Variants in NUDT7 observed in about 807,000 individuals in gnomAD.
The protein encoded by NUDT7 is nudix hydrolase 7.
In NUDT7, 19 loss-of-function variants were observed where a neutral mutation model predicts 13.1. The ratio of observed to expected loss-of-function variants is 1.45; its 90% CI spans 1.01 to 2.13. The LOEUF is 2.13. NUDT7 is among the 30% of genes most tolerant of loss of function. The probability of loss-of-function intolerance (pLI) is 0.00; values close to 1 mark genes in which losing one functional copy is unlikely to be tolerated. For missense variants in NUDT7, 360 were observed against 291.7 expected (o/e 1.23, Z -1.71); for synonymous variants, 132 against 109.7 (o/e 1.20, Z -1.27).
chr16:77,735,961 G>A lies in NUDT7; in HGVS notation c.323G>A (p.Cys108Tyr), dbSNP rs754149090. 2 of 1,614,006 alleles carry A rather than the reference G, an allele frequency of 1.2e-6. No individual in the cohort carries two copies. Among genetic ancestry groups the A allele is most frequent in the African/African-American group, 2.7e-5 (2 of 74,916 alleles). Residue 108 changes from cysteine to tyrosine, a missense_variant, in exon 3 of 4, where the codon TGC (cysteine) becomes TAC (tyrosine). Physicochemically the swap from Cys to Tyr is radical, Grantham distance 194 (BLOSUM62 -2). Transcript: ENST00000268533. ...GLRPHQVEVV[C>Y]CLVPCLIDTD... Reference sequence around the variant, plus strand: ...CGTCCTCACCAAGTGGAAGTTGTCTGCTGCCTGGTGCCATGTCTTATTGAT... The same window carrying A: ...CGTCCTCACCAAGTGGAAGTTGTCTACTGCCTGGTGCCATGTCTTATTGAT...
intron 2 of NUDT7, among the ~76,000 whole-genome samples, chr16:77,728,523 C>T (rs1176626245): frequency 6.6e-6 from 1 of 152,216 alleles, no homozygotes; most frequent in Non-Finnish European, 1.5e-5. Flanking sequence ...AAGCGTGTGC[C>T]ACCACGCCCA....
chr16:77,732,712 G>C (rs1293903766), intron 2 of NUDT7, among the ~76,000 whole-genome samples: 1 of 152,188 alleles, frequency 6.6e-6, no homozygotes, highest in Non-Finnish European at 1.5e-5. Flanking sequence ...GTTTGTGCAA[G>C]TGCACCCTGT....
chr16:77,727,176 C>T (rs1470670963), intron 2 of NUDT7, among the ~76,000 whole-genome samples: 2 of 152,256 alleles, frequency 1.3e-5, no homozygotes, highest in East Asian at 1.9e-4. Context: ...GGACAAATAT[C>T]GAAACTCTAC....
rs367595051 is a variant in NUDT7 at position 77,722,578 on chromosome 16, G to C, written c.-5G>C. Reference sequence around the variant, plus strand: ...TCCGCCCGGAAACAAACATTCCCCAGGGCAATGTCACGACTTGGTCTTCCC... The same window carrying C: ...TCCGCCCGGAAACAAACATTCCCCACGGCAATGTCACGACTTGGTCTTCCC... On this transcript the variant is annotated 5_prime_UTR_variant, in exon 1 of 4. Transcript: ENST00000268533. The C allele has an allele frequency of 2.5e-6, 4 of 1,589,372 alleles. No homozygotes were observed. Among genetic ancestry groups the C allele is most frequent in the East Asian group, 2.3e-5 (1 of 43,706 alleles).
Position 77,722,607 on chromosome 16 carries a change from G to C in NUDT7, c.25G>C (p.Glu9Gln). Reference protein sequence around the residue: MSRLGLPEEPVRNSLLDDA... With the variant: MSRLGLPEQPVRNSLLDDA... ...AATGTCACGACTTGGTCTTCCCGAG[G>C]AGCCAGTCAGGTAAAGGCTTTCCGG... The change falls in exon 1 of 4, where the codon GAG becomes CAG. Residue 9 changes from glutamate to glutamine, a missense_variant. Coordinates refer to ENST00000268533, the MANE Select transcript of NUDT7 (RefSeq NM_001105663.3). 6.3e-7 allele frequency: 1 copy of C among 1,594,422 alleles called. No homozygotes were observed.
Position 77,722,598 on chromosome 16 carries a change from C to G in NUDT7, c.16C>G (p.Leu6Val). Residue 6 changes from leucine to valine, a missense_variant, in exon 1 of 4, where the codon CTT (leucine) becomes GTT (valine). Coordinates refer to ENST00000268533, the MANE Select transcript of NUDT7 (RefSeq NM_001105663.3). ...CCCCAGGGCAATGTCACGACTTGGT[C>G]TTCCCGAGGAGCCAGTCAGGTAAAG... MSRLG[L>V]PEEPVRNSLL... The G allele has an allele frequency of 6.3e-7, 1 of 1,593,970 alleles. No homozygotes were observed. Among genetic ancestry groups the G allele is most frequent in the African/African-American group, 1.3e-5 (1 of 74,636 alleles).
intron 2 of NUDT7, among the ~76,000 whole-genome samples, chr16:77,728,961 C>T (rs1196130786): frequency 6.6e-6 from 1 of 152,196 alleles, no homozygotes; most frequent in African/African-American, 2.4e-5. Context: ...CCACCCTCCT[C>T]CCTGCACCCC....
intron 2 of NUDT7, among the ~76,000 whole-genome samples, chr16:77,726,735 T>G (rs2014148528): frequency 1.3e-5 from 2 of 152,084 alleles, no homozygotes. Flanking sequence ...AGGCGGAGGT[T>G]GCAGTGAGCC....
intron 2 of NUDT7, among the ~76,000 whole-genome samples, chr16:77,733,602 A>G (rs17773517): frequency 0.082 from 12,426 of 152,324 alleles, 685 homozygotes; most frequent in East Asian, 0.19. Context: ...AAAAATGGCA[A>G]CATGATCTCT....
At chr16:77,722,971 C>T (rs1321595654) in intron 1 of NUDT7, among the ~76,000 whole-genome samples, 1 of 152,176 alleles carries the variant, frequency 6.6e-6, no homozygotes, top group African/African-American at 2.4e-5. Context: ...CCGGTGGCTA[C>T]TTTCAGTTGT....
chr16:77,725,110 C>G (rs904520620), intron 1 of NUDT7, among the ~76,000 whole-genome samples: 15 of 152,232 alleles, frequency 9.9e-5, no homozygotes, highest in African/African-American at 3.4e-4. Context: ...ACTTTTTCAT[C>G]AAACCTGTCT....
In NUDT7 at chr16:77,725,873, G is replaced by C. The variant is rs76657221; in HGVS notation, c.189+289G>C. On this transcript the variant is annotated intron_variant, in intron 2 of 3. Transcript: ENST00000268533. ...GGCTGAATAATTCTTTGGTGTGGAG[G>C]CTGTCCTGTATAATGTGGTGTGTTT... 1.9e-3 allele frequency among the ~76,000 whole-genome samples: 288 copies of C among 152,316 alleles called. 2 individuals carry two copies. The East Asian group carries it at 0.026, about 14-fold the overall frequency.
intron 2 of NUDT7, among the ~76,000 whole-genome samples, chr16:77,728,503 C>T (rs2014212763): frequency 6.6e-6 from 1 of 152,208 alleles, no homozygotes; most frequent in Admixed American, 6.5e-5. Flanking sequence ...TCCCAAAGTG[C>T]TGAGATGACA....
chr16:77,737,482 T>G (rs184655591), intron 3 of NUDT7: 4,394 of 141,774 alleles, frequency 0.031, 163 homozygotes, highest in African/African-American at 0.095. Flanking sequence ...TGGTTTTTTT[T>G]TTGTTGTTGT....
chr16:77,735,878 T>C lies in NUDT7; in HGVS notation c.240T>C (p.Pro80=), dbSNP rs1237765997. The C allele has an allele frequency of 6.2e-7, 1 of 1,613,906 alleles. No homozygotes were observed. Among genetic ancestry groups the C allele is most frequent in the Non-Finnish European group, 8.5e-7 (1 of 1,179,972 alleles). The change falls in exon 3 of 4, where the codon CCT becomes CCC. Residue 80 remains proline (P), a synonymous_variant. Transcript: ENST00000268533. The part of the protein sequence containing the change: ...EVCFPGGKRD[P]TDMDDAATAL... ...GCTTCCCTGGAGGTAAGCGTGACCC[T>C]ACAGACATGGATGATGCAGCCACAG...
chr16:77,733,086 C>T (rs2014369348), intron 2 of NUDT7, among the ~76,000 whole-genome samples: 1 of 152,144 alleles, frequency 6.6e-6, no homozygotes. Context: ...GCAATTTCTG[C>T]AGTGTTCCTG....
chr16:77,733,629 T>A (rs1020380652), intron 2 of NUDT7, among the ~76,000 whole-genome samples: 1 of 152,378 alleles, frequency 6.6e-6, no homozygotes, highest in Non-Finnish European at 1.5e-5. Context: ...AGCTTCTCAA[T>A]GTCCAGGACT....
At chr16:77,732,746 G>A (rs1157823152) in intron 2 of NUDT7, among the ~76,000 whole-genome samples, 3 of 152,170 alleles carry the variant, frequency 2.0e-5, no homozygotes, top group East Asian at 3.9e-4. Context: ...TGATGAAATC[G>A]CCTAATGCAT....
intron 3 of NUDT7, among the ~76,000 whole-genome samples, chr16:77,736,913 A>C (rs2014505132): frequency 6.6e-6 from 1 of 152,200 alleles, no homozygotes; most frequent in Non-Finnish European, 1.5e-5. Context: ...CTTTAATTTT[A>C]ATTTCAGAAT....
Sources: allele counts gnomAD v4.1 joint callset (sites outside exome capture counted in the v4.1 genomes callset), GRCh38; gene constraint gnomAD v4.1.1; transcripts MANE v1.5; gene names NCBI Gene and HGNC (gene_info 2026-07-23, HGNC 2026-07-21).